Variants in RALYL observed in about 807,000 individuals in gnomAD.
The protein encoded by RALYL is RALY RNA binding protein like, also known as RNA-binding Raly-like protein.
In RALYL, 29 loss-of-function variants were observed where a neutral mutation model predicts 35.1. That is an observed-to-expected ratio of 0.83 (90% CI 0.61 to 1.13). The LOEUF is 1.13. Among genes scored for constraint, RALYL ranks in the 50% most tolerant of loss-of-function variants. The pLI, the probability that RALYL is intolerant of heterozygous loss-of-function variation, is 0.00. For synonymous variants in RALYL, 120 were observed against 127.6 expected (o/e 0.94, Z 0.40); for missense variants, 359 against 360.4 (o/e 1.00, Z 0.03).
intron 1 of RALYL, among the ~76,000 whole-genome samples, chr8:84,391,033 A>G (rs540595827): frequency 1.3e-5 from 2 of 152,132 alleles, no homozygotes; most frequent in South Asian, 4.1e-4. Context: ...TCTGCAGCTC[A>G]GCAAGCCTGA....
chr8:84,264,439 C>A (rs1035985403), intron 1 of RALYL, among the ~76,000 whole-genome samples: 8 of 140,044 alleles, frequency 5.7e-5, no homozygotes, highest in Non-Finnish European at 9.3e-5. Context: ...CCGTTGCCCA[C>A]TTTTTAATGG....
chr8:84,349,680 A>G (rs1231708560), intron 1 of RALYL, among the ~76,000 whole-genome samples: 1 of 150,584 alleles, frequency 6.6e-6, no homozygotes, highest in Non-Finnish European at 1.5e-5. Context: ...AAATGTGTTC[A>G]TTATAATATG....
intron 5 of RALYL, among the ~76,000 whole-genome samples, chr8:84,852,180 C>T (rs769490159): frequency 1.3e-5 from 2 of 152,226 alleles, no homozygotes; most frequent in Admixed American, 1.3e-4. Flanking sequence ...TGGAGCTATG[C>T]GATTCCTACT....
chr8:84,427,399 C>T (rs906065307), intron 1 of RALYL, among the ~76,000 whole-genome samples: 1 of 152,198 alleles, frequency 6.6e-6, no homozygotes. Flanking sequence ...TTCTGGACTA[C>T]ATCCTACGGA....
intron 8 of RALYL, among the ~76,000 whole-genome samples, chr8:84,892,622 A>AG (rs1377415351): frequency 6.6e-6 from 1 of 151,916 alleles, no homozygotes; most frequent in African/African-American, 2.4e-5. Context: ...AAAAAAAAAA[A>AG]AAAAACCAAC....
chr8:84,400,147 G>A (rs1315223357), intron 1 of RALYL, among the ~76,000 whole-genome samples: 1 of 152,054 alleles, frequency 6.6e-6, no homozygotes, highest in African/African-American at 2.4e-5. Flanking sequence ...GGGACCAGAA[G>A]TGTGTCATTT....
At chr8:84,844,284 C>T (rs1382225993) in intron 4 of RALYL, among the ~76,000 whole-genome samples, 2 of 152,106 alleles carry the variant, frequency 1.3e-5, no homozygotes, top group African/African-American at 4.8e-5. Flanking sequence ...AAAAAACAAA[C>T]AACCTCATCA....
intron 2 of RALYL, among the ~76,000 whole-genome samples, chr8:84,737,792 A>G (rs1847587416): frequency 6.6e-6 from 1 of 151,934 alleles, no homozygotes; most frequent in African/African-American, 2.4e-5. Context: ...CTCCACAGAG[A>G]TTCCTTCCTC....
At chr8:84,184,857 G>A in intron 1 of RALYL, 1 of 986,302 alleles carries the variant, frequency 1.0e-6, no homozygotes, top group Non-Finnish European at 1.6e-6. Flanking sequence ...AGAGCACCCG[G>A]GAGATGGGGG....
At chr8:84,706,202 C>T in intron 2 of RALYL, 1 of 767,622 alleles carries the variant, frequency 1.3e-6, no homozygotes, top group Non-Finnish European at 2.1e-6. Flanking sequence ...TAACCTTTAT[C>T]TTTATTCCTG....
chr8:84,556,422 T>C (rs2061123444), intron 2 of RALYL, among the ~76,000 whole-genome samples: 1 of 152,150 alleles, frequency 6.6e-6, no homozygotes, highest in South Asian at 2.1e-4. Context: ...AGCTAGTAAG[T>C]GTCAGAGTTG....
rs1204985126 is a variant in RALYL at position 84,619,440 on chromosome 8, T to G, written c.256+89863T>G. On this transcript the variant is annotated intron_variant, in intron 2 of 8. Transcript: ENST00000521268. ...CCCCTGCCTTTTTTTGTTTTCCATT[T>G]GCTTGGTAGATCTTCCTCCATCCTT... is the stretch of plus-strand genomic sequence containing the variant. Among the ~76,000 whole-genome samples, 2 of 148,596 alleles carry G rather than the reference T, an allele frequency of 1.3e-5. 1 individual carries two copies. Among genetic ancestry groups the G allele is most frequent in the Admixed American group, 1.3e-4 (2 of 14,874 alleles).
chr8:84,439,234 AT>A (rs1370215084), intron 1 of RALYL, among the ~76,000 whole-genome samples: 1 of 151,948 alleles, frequency 6.6e-6, no homozygotes, highest in Non-Finnish European at 1.5e-5. Flanking sequence ...ATGTTTGTCG[AT>A]TTGTTTGTGT....
At chr8:84,669,833 A>G (rs577170475) in intron 2 of RALYL, among the ~76,000 whole-genome samples, 1 of 152,286 alleles carries the variant, frequency 6.6e-6, no homozygotes, top group African/African-American at 2.4e-5. Flanking sequence ...TCAAAAAATT[A>G]TCTACTTATT....
At chr8:84,262,158 G>A (rs1318238070) in intron 1 of RALYL, among the ~76,000 whole-genome samples, 1 of 152,124 alleles carries the variant, frequency 6.6e-6, no homozygotes, top group African/African-American at 2.4e-5. Context: ...TATGTTTTCT[G>A]TTGGTAGATG....
At chr8:84,522,528 C>T (rs1325068715) in intron 1 of RALYL, among the ~76,000 whole-genome samples, 5 of 152,210 alleles carry the variant, frequency 3.3e-5, no homozygotes, top group Middle Eastern at 6.8e-3. Flanking sequence ...GGATTACAGG[C>T]GTGAGCCACC....
chr8:84,503,959 G>T (rs2056943219), intron 1 of RALYL, among the ~76,000 whole-genome samples: 1 of 151,934 alleles, frequency 6.6e-6, no homozygotes, highest in Non-Finnish European at 1.5e-5. Context: ...AAAATATAGG[G>T]ATATTAATTC....
chr8:84,370,934 T>A (rs111791495), intron 1 of RALYL, among the ~76,000 whole-genome samples: 4,479 of 152,056 alleles, frequency 0.029, 212 homozygotes, highest in African/African-American at 0.1. Context: ...ATTATTATGA[T>A]AATAATAATG....
In RALYL at chr8:84,202,367, A is replaced by ATT. The variant is rs1187950600; in HGVS notation, c.-24+17966_-24+17967dup. Reference sequence around the variant, plus strand: ...AAGTATTATATGATCTATTGAAGGGATTTTTTTTTTTTTTTTTTTTTTTTG... The same window carrying ATT: ...AAGTATTATATGATCTATTGAAGGGATTTTTTTTTTTTTTTTTTTTTTTTTTG... On this transcript the variant is annotated intron_variant, in intron 1 of 8. Transcript: ENST00000521268. Among the ~76,000 whole-genome samples the ATT allele has an allele frequency of 9.4e-3, 1,068 of 113,378 alleles. 6 individuals are homozygous for ATT. Among genetic ancestry groups the ATT allele is most frequent in the Non-Finnish European group, 0.013 (696 of 55,162 alleles). The allele number at this position is 113,378 out of a possible 152,430, so 74.4% of individuals were successfully genotyped here. A position where few individuals can be genotyped will look rare whatever the true frequency, so the allele number is the denominator to read the frequency against.
Sources: gnomAD v4.1 joint callset for allele counts (sites outside exome capture counted in the v4.1 genomes callset) on GRCh38, gnomAD v4.1.1 for gene constraint, MANE v1.5 for transcripts, NCBI Gene and HGNC (gene_info 2026-07-23, HGNC 2026-07-21) for gene names.